Variants in PRKCA observed in about 807,000 individuals in gnomAD.
PRKCA encodes the protein protein kinase C alpha.
PRKCA carries 27 observed loss-of-function variants against 87.0 expected under a neutral mutation model. That is an observed-to-expected ratio of 0.31 (90% CI 0.23 to 0.43). PRKCA has a LOEUF of 0.43. PRKCA is among the 20% of genes least tolerant of loss of function. PRKCA has a pLI of 1.00. For missense variants in PRKCA, 518 were observed against 852.3 expected, an observed-to-expected ratio of 0.61 and a Z score of 4.88; for synonymous variants, 329 against 311.1, an observed-to-expected ratio of 1.06 and a Z score of -0.61.
At chr17:66,671,893 C>G (rs944907965) in intron 5 of PRKCA, among the ~76,000 whole-genome samples, 1 of 152,160 alleles carries the variant, frequency 6.6e-6, no homozygotes. Context: ...AGAAGCCACA[C>G]AGACCAATGG....
chr17:66,747,111 G>A (rs148962819), intron 13 of PRKCA, among the ~76,000 whole-genome samples: 332 of 152,166 alleles, frequency 2.2e-3, no homozygotes, highest in South Asian at 3.1e-3. Flanking sequence ...TCGCTCTGTC[G>A]TCCAGGCTGG....
chr17:66,576,666 T>G (rs1413322417), intron 3 of PRKCA, among the ~76,000 whole-genome samples: 1 of 152,182 alleles, frequency 6.6e-6, no homozygotes, highest in Non-Finnish European at 1.5e-5. Context: ...TATTTGATGG[T>G]TCGGCTAGTC....
intron 16 of PRKCA, chr17:66,796,638 A>G (rs1950784720): frequency 1.0e-6 from 1 of 985,240 alleles, no homozygotes; most frequent in Non-Finnish European, 1.2e-6. Flanking sequence ...AGGGCAGACC[A>G]ATGGCCAGAC....
intron 8 of PRKCA, among the ~76,000 whole-genome samples, chr17:66,724,645 TCAGGCCCC>T (rs1187177032): frequency 1.3e-5 from 2 of 152,240 alleles, no homozygotes; most frequent in African/African-American, 4.8e-5. Context: ...TTCCATTTGC[TCAGGCCCC>T]CAGCAGGGCG....
chr17:66,468,366 G>C (rs902840775), intron 2 of PRKCA, among the ~76,000 whole-genome samples: 1 of 152,152 alleles, frequency 6.6e-6, no homozygotes, highest in African/African-American at 2.4e-5. Flanking sequence ...GGGCTGACTG[G>C]GTCGCTGGCT....
At chr17:66,388,575 A>G (rs1910192669) in intron 2 of PRKCA, among the ~76,000 whole-genome samples, 1 of 152,158 alleles carries the variant, frequency 6.6e-6, no homozygotes, top group Non-Finnish European at 1.5e-5. Flanking sequence ...GATTACAGGC[A>G]TGAGCCACTG....
chr17:66,569,716 A>G (rs2143380960), intron 3 of PRKCA, among the ~76,000 whole-genome samples: 1 of 152,344 alleles, frequency 6.6e-6, no homozygotes, highest in East Asian at 1.9e-4. Context: ...GGGGAATGCA[A>G]ATTAAAACTG....
intron 3 of PRKCA, among the ~76,000 whole-genome samples, chr17:66,502,585 C>G (rs1400244215): frequency 6.6e-6 from 1 of 151,964 alleles, no homozygotes; most frequent in Admixed American, 6.6e-5. Context: ...AGCTACAAAG[C>G]AGCACTTTGA....
At chr17:66,580,302 G>T (rs1007319983) in intron 3 of PRKCA, among the ~76,000 whole-genome samples, 2 of 152,176 alleles carry the variant, frequency 1.3e-5, no homozygotes, top group African/African-American at 4.8e-5. Flanking sequence ...GAGTCAAGAG[G>T]TCGCTTTCAG....
At chr17:66,505,813 G>A (rs1916950340) in intron 3 of PRKCA, among the ~76,000 whole-genome samples, 1 of 152,146 alleles carries the variant, frequency 6.6e-6, no homozygotes, top group Admixed American at 6.6e-5. Context: ...TTGAATCATT[G>A]TATAATGTCT....
At chr17:66,648,377 T>C (rs1271126177) in intron 5 of PRKCA, among the ~76,000 whole-genome samples, 2 of 152,266 alleles carry the variant, frequency 1.3e-5, no homozygotes, top group South Asian at 2.1e-4. Flanking sequence ...GTACTTTATG[T>C]ACTAACTTTT....
chr17:66,451,343 A>AATTAATTAATTTATTT (rs146230545), intron 2 of PRKCA, among the ~76,000 whole-genome samples: 1 of 144,872 alleles, frequency 6.9e-6, no homozygotes, highest in African/African-American at 2.6e-5. Flanking sequence ...ACGGAGTTAG[A>AATTAATTAATTTATTT]ATTTATTTAT....
intron 15 of PRKCA, among the ~76,000 whole-genome samples, chr17:66,788,295 G>GT (rs1056895221): frequency 7.9e-5 from 12 of 152,158 alleles, no homozygotes; most frequent in Non-Finnish European, 1.3e-4. Flanking sequence ...TTCATAGACA[G>GT]TGTTTGTCTC....
intron 3 of PRKCA, among the ~76,000 whole-genome samples, chr17:66,547,824 C>G (rs1182067320): frequency 6.6e-6 from 1 of 152,148 alleles, no homozygotes; most frequent in Admixed American, 6.5e-5. Flanking sequence ...TATTTGCAAG[C>G]AAAGAAACCA....
chr17:66,652,588 G>A (rs1321612587), intron 5 of PRKCA, among the ~76,000 whole-genome samples: 1 of 152,178 alleles, frequency 6.6e-6, no homozygotes, highest in Non-Finnish European at 1.5e-5. Flanking sequence ...TTGGGGCCAA[G>A]AAGAGAGCGT....
intron 14 of PRKCA, among the ~76,000 whole-genome samples, chr17:66,781,887 AGTGT>A (rs749824745): frequency 0.019 from 2,432 of 125,510 alleles, 23 homozygotes; most frequent in South Asian, 0.022. Flanking sequence ...ATATATATAT[AGTGT>A]GTGTGTGTGT....
intron 2 of PRKCA, among the ~76,000 whole-genome samples, chr17:66,350,983 C>T (rs1298139997): frequency 3.9e-5 from 6 of 152,218 alleles, no homozygotes; most frequent in South Asian, 2.1e-4. Context: ...CCACACTTCT[C>T]GTTTTATCAT....
Position 66,453,660 on chromosome 17 carries a change from G to A in PRKCA, c.206-42541G>A, listed in dbSNP as rs541465768. On this transcript the variant is annotated intron_variant, in intron 2 of 16. Coordinates refer to ENST00000413366, the MANE Select transcript of PRKCA (RefSeq NM_002737.3). ...TGCCCTGCTTGCCTCCCTTTGCGCC[G>A]CCCTCGTCTGCTGTAGGTCGAATTG... 1.3e-3 allele frequency among the ~76,000 whole-genome samples: 202 copies of A among 152,138 alleles called. 1 individual carries two copies. Among genetic ancestry groups the A allele is most frequent in the Non-Finnish European group, 2.1e-3 (142 of 67,982 alleles).
At chr17:66,414,012 CA>C (rs5821528) in intron 2 of PRKCA, among the ~76,000 whole-genome samples, 94,030 of 118,292 alleles carry the variant, frequency 0.79, 36,245 homozygotes, top group South Asian at 0.9. Context: ...GACTGCATCT[CA>C]AAAAAAAAAA....
Sources: gnomAD v4.1 joint callset for allele counts (sites outside exome capture counted in the v4.1 genomes callset) on GRCh38, gnomAD v4.1.1 for gene constraint, MANE v1.5 for transcripts, NCBI Gene and HGNC (gene_info 2026-07-23, HGNC 2026-07-21) for gene names.